Variants in EP400 observed in about 807,000 individuals in gnomAD.
The protein encoded by EP400 is E1A-binding protein p400.
Under a neutral mutation model 354.1 loss-of-function variants are expected in EP400, and 105 were observed. The observed-to-expected ratio is 0.30, with a 90% CI of 0.25 to 0.35. The LOEUF (loss-of-function observed/expected upper bound fraction) is 0.35. EP400 is among the 10% of genes least tolerant of loss of function. The pLI, the probability that EP400 is intolerant of heterozygous loss-of-function variation, is 1.00. For missense variants in EP400, 3,280 were observed against 4,121.0 expected (o/e 0.80, Z 5.59); for synonymous variants, 1,646 against 1,716.9 (o/e 0.96, Z 1.02).
chr12:132,025,770 C>G lies in EP400; in HGVS notation c.4980C>G (p.Ala1660=), dbSNP rs774653390. The change falls in exon 25 of 53, where the codon GCC becomes GCG. Residue 1660 remains alanine (A), a synonymous_variant. Coordinates refer to ENST00000389561, the MANE Select transcript of EP400 (RefSeq NM_015409.5). The surrounding 1 kb of genome is among the most constrained non-coding windows in gnomAD (Gnocchi z 4.1). ...GCGCCCTGGGAAGCAAGCCCCCGGCCGGCGGTCCCAGCCCTGCACCCTTGA... is the reference window on the plus strand; with the variant it reads ...GCGCCCTGGGAAGCAAGCCCCCGGCGGGCGGTCCCAGCCCTGCACCCTTGA... ...VHGALGSKPP[A]GGPSPAPLTP... The G allele has an allele frequency of 6.2e-7, 1 of 1,611,508 alleles. No individual in the cohort carries two copies. Among genetic ancestry groups the G allele is most frequent in the Admixed American group, 1.7e-5 (1 of 59,726 alleles).
At position 132,050,043 on chromosome 12, in the gene EP400, G is replaced by A. The variant is rs1895241316; in HGVS notation, c.7201-280G>A. 6.6e-6 allele frequency among the ~76,000 whole-genome samples: 1 copy of A among 152,152 alleles called. No homozygotes were observed. The highest frequency in any genetic ancestry group is 2.4e-5 in the African/African-American group (1 of 41,416). On this transcript the variant is annotated intron_variant, in intron 39 of 52. Transcript: ENST00000389561. This position sits in a 1 kb window ranked among gnomAD's most constrained non-coding sequence, Gnocchi z 4.8. ...CTTGGGCACTTTGCACACCTGTTTT[G>A]TTCCCTCTCCCTCTTGGGGTGATTA...
chr12:132,028,327 T>C (rs1894375410), intron 27 of EP400, 39 bp downstream of exon 27: 1 of 1,599,830 alleles, frequency 6.3e-7, no homozygotes, highest in South Asian at 1.1e-5. Flanking sequence ...GCTCTCTGGC[T>C]GCATTGCACC....
chr12:132,016,525 C>G (rs1438005682), intron 19 of EP400, among the ~76,000 whole-genome samples: 1 of 152,160 alleles, frequency 6.6e-6, no homozygotes, highest in East Asian at 1.9e-4. Context: ...TGTGCCACCA[C>G]ACCTGGCTAA....
At chr12:131,967,145 C>G (rs1005424762) in intron 2 of EP400, among the ~76,000 whole-genome samples, 1 of 151,516 alleles carries the variant, frequency 6.6e-6, no homozygotes, top group African/African-American at 2.4e-5. Flanking sequence ...TTTGGGAGGC[C>G]GAAGGGGGGC....
At position 132,072,742 on chromosome 12, in the gene EP400, G is replaced by T. The variant is rs150520789; in HGVS notation, c.9021+3101G>T. Among the ~76,000 whole-genome samples, 76 of 152,328 alleles carry T rather than the reference G, an allele frequency of 5.0e-4. 1 individual carries two copies. The East Asian group carries it at 0.012, about 24-fold the overall frequency. On this transcript the variant is annotated intron_variant, in intron 51 of 52. Coordinates refer to ENST00000389561, the MANE Select transcript of EP400 (RefSeq NM_015409.5). ...ACTTGTGTTACTAGTTATTGAGAAGGCGTGTTTAGATGTCCCATTCTGAGT... is the reference window on the plus strand; with the variant it reads ...ACTTGTGTTACTAGTTATTGAGAAGTCGTGTTTAGATGTCCCATTCTGAGT...
chr12:132,069,300 C>T, intron 50 of EP400, 195 bp from the exon 51 acceptor site: 1 of 711,680 alleles, frequency 1.4e-6, no homozygotes, highest in Non-Finnish European at 2.2e-6. Context: ...GGCCATGCCG[C>T]ATGGGCAGAG....
In EP400 at chr12:132,075,722, C is replaced by T. The variant is rs1476897774; in HGVS notation, c.9022-794C>T. 2.0e-5 allele frequency: 3 copies of T among 152,212 alleles called. No homozygotes were observed. Among genetic ancestry groups the T allele is most frequent in the African/African-American group, 7.2e-5 (3 of 41,430 alleles). The allele number at this position is 152,212 out of a possible 1,614,324, so 9.4% of individuals were successfully genotyped here. A position where few individuals can be genotyped will look rare whatever the true frequency, so the allele number is the denominator to read the frequency against. ...GTAAATCATGTAATTTCACATATTT[C>T]GCAGAATAATCTTGGGAAATATTAT... On this transcript the variant is annotated intron_variant, in intron 51 of 52. Transcript: ENST00000389561. This position sits in a 1 kb window ranked among gnomAD's most constrained non-coding sequence, Gnocchi z 4.5.
intron 1 of EP400, among the ~76,000 whole-genome samples, chr12:131,954,135 G>A (rs1311174042): frequency 6.6e-6 from 1 of 151,752 alleles, no homozygotes; most frequent in Non-Finnish European, 1.5e-5. Flanking sequence ...AAAATTTTAC[G>A]GTGAACACTA....
At position 132,050,896 on chromosome 12, in the gene EP400, G is replaced by A; in HGVS notation, c.7394+241G>A. The A allele has an allele frequency of 1.7e-6, 1 of 582,066 alleles. No individual in the cohort carries two copies. The highest frequency in any genetic ancestry group is 3.1e-6 in the Non-Finnish European group (1 of 326,268). The allele number at this position is 582,066 out of a possible 1,614,324, so 36.1% of individuals were successfully genotyped here. A position where few individuals can be genotyped will look rare whatever the true frequency, so the allele number is the denominator to read the frequency against. ...ATTGTCCTTGCTGGCCCTCAGTGGG[G>A]AAAGACGCTGACAGATGTGATGAGT... On this transcript the variant is annotated intron_variant, in intron 41 of 52. Transcript: ENST00000389561. The surrounding 1 kb of genome is among the most constrained non-coding windows in gnomAD (Gnocchi z 4.8).
At position 132,027,434 on chromosome 12, in the gene EP400, T is replaced by C. The variant is rs1243086204; in HGVS notation, c.5015-3T>C. On this transcript the variant is annotated splice_polypyrimidine_tract_variant and splice_region_variant and intron_variant, in intron 25 of 52. Transcript: ENST00000389561. The surrounding 1 kb of genome is among the most constrained non-coding windows in gnomAD (Gnocchi z 4.9). ...TTTCACCTCTTCCTTTATGCATTTG[T>C]AGTTGGCGTTCCGGGCCGCGTGGCG... 6.2e-7 allele frequency: 1 copy of C among 1,613,938 alleles called. No individual in the cohort carries two copies. Among genetic ancestry groups the C allele is most frequent in the Non-Finnish European group, 8.5e-7 (1 of 1,180,036 alleles).
Position 132,062,122 on chromosome 12 carries a change from T to C in EP400, c.7897T>C (p.Ser2633Pro). ...APGALTTPGG[S>P]APAQVVHTQP... ...TTGCCTTTTCTAGACGCCGGGAGGC[T>C]CTGCTCCCGCCCAGGTGGTGCACAC... Residue 2633 changes from serine (S) to proline (P), a missense_variant, in exon 46 of 53, where the codon TCT (serine) becomes CCT (proline). Coordinates refer to ENST00000389561, the MANE Select transcript of EP400 (RefSeq NM_015409.5). The C allele has an allele frequency of 6.2e-7, 1 of 1,613,048 alleles. No individual in the cohort carries two copies. Among genetic ancestry groups the C allele is most frequent in the Non-Finnish European group, 8.5e-7 (1 of 1,179,746 alleles).
At chr12:131,985,791 A>C (rs566734008) in intron 5 of EP400, among the ~76,000 whole-genome samples, 126 of 152,202 alleles carry the variant, frequency 8.3e-4, no homozygotes, top group African/African-American at 3.0e-3. Context: ...TATTTTTAGT[A>C]GAGACGAGGT....
At chr12:132,033,402 C>T (rs1035629445) in intron 30 of EP400, among the ~76,000 whole-genome samples, 6 of 152,096 alleles carry the variant, frequency 3.9e-5, no homozygotes, top group African/African-American at 7.3e-5. Flanking sequence ...GGTTGTGTGC[C>T]GAGCACATCC....
chr12:132,060,447 T>C (rs1895653809), intron 45 of EP400, among the ~76,000 whole-genome samples: 1 of 152,184 alleles, frequency 6.6e-6, no homozygotes, highest in South Asian at 2.1e-4. Context: ...GTCTGCATAA[T>C]GCTAGTGACC....
intron 12 of EP400, among the ~76,000 whole-genome samples, chr12:132,000,422 A>G (rs1893367624): frequency 6.6e-6 from 1 of 152,208 alleles, no homozygotes; most frequent in Admixed American, 6.6e-5. Context: ...CTTTAAAACA[A>G]CATGCATTCA....
chr12:132,064,377 G>T lies in EP400; in HGVS notation c.8335-291G>T, dbSNP rs898885904. Among the ~76,000 whole-genome samples, 7 of 152,180 alleles carry T rather than the reference G, an allele frequency of 4.6e-5. No homozygotes were observed. The East Asian group carries it at 1.2e-3, about 25-fold the overall frequency. On this transcript the variant is annotated intron_variant, in intron 47 of 52. Transcript: ENST00000389561. ...TTTTGAACTTCAAATAAGTTTGGTT[G>T]GTGCTACAGATTTAAATCGACTTGT...
At chr12:131,984,057 A>G (rs1230456263) in intron 5 of EP400, among the ~76,000 whole-genome samples, 1 of 151,874 alleles carries the variant, frequency 6.6e-6, no homozygotes, top group Admixed American at 6.6e-5. Flanking sequence ...TGTTGCCACC[A>G]TGCCGGCTAA....
intron 2 of EP400, among the ~76,000 whole-genome samples, chr12:131,968,248 TATTTTGCGTAAA>T (rs1267406446): frequency 6.6e-6 from 1 of 152,242 alleles, no homozygotes; most frequent in Non-Finnish European, 1.5e-5. Flanking sequence ...ATCTATGATT[TATTTTGCGTAAA>T]ATTTTGTGTA....
At chr12:132,042,490 ATCC>A (rs1170305825) in intron 32 of EP400, among the ~76,000 whole-genome samples, 1 of 152,036 alleles carries the variant, frequency 6.6e-6, no homozygotes. Context: ...GTCACCGGGC[ATCC>A]TCCTCTATTT....
Sources: allele counts gnomAD v4.1 joint callset (sites outside exome capture counted in the v4.1 genomes callset), GRCh38; gene constraint gnomAD v4.1.1; non-coding constraint Gnocchi (gnomAD v3.1); transcripts MANE v1.5; gene names NCBI Gene and HGNC (gene_info 2026-07-23, HGNC 2026-07-21).